HACE1: variants seen among roughly 807,000 people sequenced by gnomAD.
HACE1 encodes the protein E3 ubiquitin-protein ligase HACE1.
HACE1 carries 73 observed loss-of-function variants against 118.4 expected under a neutral mutation model. The observed-to-expected ratio is 0.62, with a 90% CI of 0.51 to 0.75. HACE1 has a LOEUF of 0.75. Ranked by LOEUF, HACE1 falls within the 30% of genes least tolerant of loss-of-function variation. The pLI is 0.00. For missense variants in HACE1, 749 were observed against 1,102.2 expected (o/e 0.68, Z 4.54); for synonymous variants, 368 against 374.8 (o/e 0.98, Z 0.21).
At chr6:104,850,786 T>G (rs1776125319) in intron 3 of HACE1, 121 bp downstream of exon 3, 2 of 786,830 alleles carry the variant, frequency 2.5e-6, no homozygotes, top group South Asian at 2.7e-5. Flanking sequence ...TCAAACAGGA[T>G]AAAGAACTAC....
Position 104,729,779 on chromosome 6 carries a change from T to C in HACE1, c.2628-15A>G. ...GCATGTTGATGCTTTAAAAGAAAAA[T>C]ATACCACCATTAAACAGGAAATCTA... On this transcript the variant is annotated splice_polypyrimidine_tract_variant and intron_variant, in intron 23 of 23. Transcript: ENST00000262903. 1 of 1,032,458 alleles carries C rather than the reference T, an allele frequency of 9.7e-7. No homozygotes were observed. Among genetic ancestry groups the C allele is most frequent in the Non-Finnish European group, 1.5e-6 (1 of 652,146 alleles). The allele number at this position is 1,032,458 out of a possible 1,614,324, so 64.0% of individuals were successfully genotyped here. A position where few individuals can be genotyped will look rare whatever the true frequency, so the allele number is the denominator to read the frequency against.
intron 22 of HACE1, among the ~76,000 whole-genome samples, chr6:104,734,693 T>C (rs1025377436): frequency 6.6e-6 from 1 of 152,202 alleles, no homozygotes; most frequent in Non-Finnish European, 1.5e-5. Context: ...TTTGCCACAC[T>C]TCATAACTAA....
Position 104,777,040 on chromosome 6 carries a change from A to G in HACE1, c.1749T>C (p.Ala583=), listed in dbSNP as rs552271258. Residue 583 remains alanine (A), a synonymous_variant, in exon 16 of 24, where the codon GCT becomes GCC. Coordinates refer to ENST00000262903, the MANE Select transcript of HACE1 (RefSeq NM_020771.4). Reference sequence around the variant, plus strand: ...TGCCTTCTTCTCCATGGAACCGTACAGCAATCCCTTGCTTTAGCTTTGCAC... The same window carrying G: ...TGCCTTCTTCTCCATGGAACCGTACGGCAATCCCTTGCTTTAGCTTTGCAC... ...ANCAKLKQGI[A]VRFHGEEGMG... The G allele has an allele frequency of 1.9e-6, 3 of 1,611,836 alleles. No individual in the cohort carries two copies. The highest frequency in any genetic ancestry group is 2.5e-6 in the Non-Finnish European group (3 of 1,178,162).
intron 14 of HACE1, among the ~76,000 whole-genome samples, chr6:104,782,674 A>G (rs1043726986): frequency 6.6e-6 from 1 of 152,224 alleles, no homozygotes; most frequent in African/African-American, 2.4e-5. Flanking sequence ...GCAAATACAT[A>G]GTACCTGACC....
At position 104,771,208 on chromosome 6, in the gene HACE1, C is replaced by T. The variant is rs1562331227; in HGVS notation, c.2196G>A (p.Val732=). The T allele has an allele frequency of 6.2e-7, 1 of 1,610,690 alleles. No individual in the cohort carries two copies. The part of the protein sequence containing the change: ...PLKPGGGSIL[V]TQNNKAEYVQ... Reference sequence around the variant, plus strand: ...AAATACTCACTTTATTATTTTGTGTCACAAGAATACTCCCACCCCCAGGTT... The same window carrying T: ...AAATACTCACTTTATTATTTTGTGTTACAAGAATACTCCCACCCCCAGGTT... The change falls in exon 19 of 24, where the codon GTG becomes GTA. Residue 732 remains valine (V), a synonymous_variant. Transcript: ENST00000262903.
intron 20 of HACE1, among the ~76,000 whole-genome samples, chr6:104,748,807 A>G (rs1777725341): frequency 6.6e-6 from 1 of 152,228 alleles, no homozygotes; most frequent in South Asian, 2.1e-4. Context: ...AGCCAGATAC[A>G]TTCTATTTAC....
chr6:104,854,461 G>A (rs1423068198), intron 1 of HACE1, among the ~76,000 whole-genome samples: 1 of 152,034 alleles, frequency 6.6e-6, no homozygotes. Flanking sequence ...AGGAACTCTG[G>A]GCTATTCATG....
intron 7 of HACE1, among the ~76,000 whole-genome samples, chr6:104,808,501 T>C (rs1008942858): frequency 2.0e-5 from 3 of 152,348 alleles, no homozygotes; most frequent in African/African-American, 7.2e-5. Context: ...GATTTGAACC[T>C]GCCTACACAA....
intron 6 of HACE1, among the ~76,000 whole-genome samples, chr6:104,823,168 A>G (rs1772959887): frequency 6.6e-6 from 1 of 152,186 alleles, no homozygotes; most frequent in South Asian, 2.1e-4. Context: ...GCTGGGCACA[A>G]TGGTTCACAC....
At chr6:104,802,203 G>A (rs984224639) in intron 7 of HACE1, among the ~76,000 whole-genome samples, 6 of 152,094 alleles carry the variant, frequency 3.9e-5, no homozygotes, top group South Asian at 2.1e-4. Context: ...ACAGGAGCAC[G>A]CAGACTCATA....
rs1776138012 is a variant in HACE1 at position 104,738,070 on chromosome 6, C to A, written c.2513+6090G>T. On this transcript the variant is annotated intron_variant, in intron 22 of 23. Coordinates refer to ENST00000262903, the MANE Select transcript of HACE1 (RefSeq NM_020771.4). ...CCAGCAGGGGCACACTGACACCTCA[C>A]ACGGCAGGGTATTCCAACAGACCTG... Among the ~76,000 whole-genome samples the A allele has an allele frequency of 2.0e-5, 3 of 152,024 alleles. No homozygotes were observed. The South Asian group carries it at 6.2e-4, about 32-fold the overall frequency.
chr6:104,767,323 A>T (rs1215771458), intron 19 of HACE1, among the ~76,000 whole-genome samples: 1 of 152,144 alleles, frequency 6.6e-6, no homozygotes, highest in East Asian at 1.9e-4. Flanking sequence ...TCATCTTCCC[A>T]ATTACCAAGT....
intron 4 of HACE1, among the ~76,000 whole-genome samples, chr6:104,845,501 A>G (rs903457828): frequency 2.0e-5 from 3 of 148,932 alleles, no homozygotes; most frequent in Non-Finnish European, 3.0e-5. Context: ...TTTTGAGACA[A>G]GAGTCTCACT....
intron 14 of HACE1, chr6:104,780,583 T>C (rs1781622474): frequency 5.3e-6 from 1 of 189,402 alleles, no homozygotes; most frequent in Admixed American, 5.9e-5. Flanking sequence ...ACAAAGTATT[T>C]TTTTTTCCTC....
chr6:104,788,413 A>G (rs73768814), intron 11 of HACE1, among the ~76,000 whole-genome samples: 4,804 of 152,210 alleles, frequency 0.032, 241 homozygotes, highest in African/African-American at 0.11. Context: ...CAAAATATAC[A>G]ATCTCGAGCT....
At chr6:104,737,375 C>A (rs946028550) in intron 22 of HACE1, among the ~76,000 whole-genome samples, 1 of 151,610 alleles carries the variant, frequency 6.6e-6, no homozygotes, top group Non-Finnish European at 1.5e-5. Context: ...CCAGCGTGAG[C>A]CACGCAAAAG....
intron 7 of HACE1, among the ~76,000 whole-genome samples, chr6:104,808,399 T>G (rs1488621100): frequency 6.6e-6 from 1 of 152,070 alleles, no homozygotes; most frequent in African/African-American, 2.4e-5. Context: ...CACAATAATC[T>G]CACCAGGCAG....
At chr6:104,752,902 A>G (rs2114582364) in intron 19 of HACE1, among the ~76,000 whole-genome samples, 1 of 152,276 alleles carries the variant, frequency 6.6e-6, no homozygotes. Flanking sequence ...ATGCCAATTA[A>G]GTAATTCAAA....
chr6:104,809,051 C>T (rs1771320598), intron 7 of HACE1, among the ~76,000 whole-genome samples: 1 of 152,208 alleles, frequency 6.6e-6, no homozygotes, highest in African/African-American at 2.4e-5. Flanking sequence ...TTCTGCACAA[C>T]ACTAACATGT....
Sources: gnomAD v4.1 joint callset for allele counts (sites outside exome capture counted in the v4.1 genomes callset) on GRCh38, gnomAD v4.1.1 for gene constraint, MANE v1.5 for transcripts, NCBI Gene and HGNC (gene_info 2026-07-23, HGNC 2026-07-21) for gene names.